MTNR1B: variants seen among roughly 807,000 people sequenced by gnomAD.
MTNR1B encodes melatonin receptor 1B, also known as melatonin receptor type 1B.
In MTNR1B, 7 loss-of-function variants were observed where a neutral mutation model predicts 7.0. The ratio of observed to expected loss-of-function variants is 1.00; its 90% CI spans 0.57 to 1.88. The LOEUF (loss-of-function observed/expected upper bound fraction) is 1.88, where lower values mean the gene tolerates loss of function less well. Among genes scored for constraint, MTNR1B ranks in the 40% most tolerant of loss-of-function variants. The probability of loss-of-function intolerance (pLI) is 0.00; values close to 1 mark genes in which losing one functional copy is unlikely to be tolerated. For missense variants in MTNR1B, 478 were observed against 486.5 expected, an observed-to-expected ratio of 0.98 and a Z score of 0.16; for synonymous variants, 226 against 208.2, an observed-to-expected ratio of 1.09 and a Z score of -0.74.
chr11:92,970,963 A>AT (rs900471273), intron 1 of MTNR1B, among the ~76,000 whole-genome samples: 37 of 147,984 alleles, frequency 2.5e-4, no homozygotes, highest in South Asian at 4.3e-4. Context: ...GACTCTAGAA[A>AT]TTTTTTTTTT....
intron 1 of MTNR1B, chr11:92,972,313 G>T: frequency 2.3e-6 from 1 of 428,478 alleles, no homozygotes; most frequent in South Asian, 1.7e-5. Context: ...CCATATTGAG[G>T]TCACAGCATG....
In MTNR1B at chr11:92,981,816, C is replaced by G; in HGVS notation, c.593C>G (p.Thr198Ser). ...YSCTFIQTAS[T>S]QYTAAVVVIH... ...TGCACCTTCATCCAGACCGCCAGCA[C>G]CCAGTACACGGCGGCAGTGGTGGTC... Residue 198 changes from threonine (T) to serine (S), a missense_variant, in exon 2 of 2, where the codon ACC (threonine) becomes AGC (serine). By Grantham distance (58) the Thr-to-Ser change is moderately conservative (BLOSUM62 1). Transcript: ENST00000257068. The G allele has an allele frequency of 1.2e-6, 2 of 1,614,216 alleles. No individual in the cohort carries two copies. Among genetic ancestry groups the G allele is most frequent in the Non-Finnish European group, 1.7e-6 (2 of 1,180,050 alleles).
At chr11:92,980,394 A>C (rs2136516604) in intron 1 of MTNR1B, among the ~76,000 whole-genome samples, 1 of 152,292 alleles carries the variant, frequency 6.6e-6, no homozygotes, top group Admixed American at 6.5e-5. Context: ...TAGTGATGGA[A>C]CTGCTCACAC....
intron 1 of MTNR1B, among the ~76,000 whole-genome samples, chr11:92,976,634 T>G (rs1858012640): frequency 6.6e-6 from 1 of 152,192 alleles, no homozygotes. Flanking sequence ...AGGGCAAAAC[T>G]GGATCCCCAA....
At chr11:92,971,375 T>A (rs1857920266) in intron 1 of MTNR1B, among the ~76,000 whole-genome samples, 1 of 152,208 alleles carries the variant, frequency 6.6e-6, no homozygotes, top group Non-Finnish European at 1.5e-5. Context: ...CTAACTCACT[T>A]CAGTAGTGGT....
At chr11:92,980,510 A>G (rs7127128) in intron 1 of MTNR1B, among the ~76,000 whole-genome samples, 13,198 of 152,228 alleles carry the variant, frequency 0.087, 1,228 homozygotes, top group African/African-American at 0.23. Flanking sequence ...GTGTTCTTTT[A>G]GAGTAAGCCC....
At chr11:92,976,583 T>C (rs1007478078) in intron 1 of MTNR1B, among the ~76,000 whole-genome samples, 46 of 152,214 alleles carry the variant, frequency 3.0e-4, no homozygotes, top group Non-Finnish European at 6.5e-4. Context: ...CGCCACTCTC[T>C]ATCTCCTTCT....
chr11:92,984,883 C>T (rs1388482089), downstream of MTNR1B: 5 of 455,980 alleles, frequency 1.1e-5, no homozygotes, highest in African/African-American at 6.0e-5. Context: ...AAGCAATGTA[C>T]ATATTTGGAA....
intron 1 of MTNR1B, among the ~76,000 whole-genome samples, chr11:92,975,761 T>A (rs1346289008): frequency 1.3e-5 from 2 of 152,194 alleles, no homozygotes; most frequent in East Asian, 3.9e-4. Context: ...AAATGCTTAA[T>A]AGGCCCACAG....
intron 1 of MTNR1B, among the ~76,000 whole-genome samples, chr11:92,978,992 A>G (rs2136515237): frequency 6.6e-6 from 1 of 152,300 alleles, no homozygotes; most frequent in African/African-American, 2.4e-5. Flanking sequence ...GGTCCTATGG[A>G]GACTCATCTT....
chr11:92,982,811 C>T (rs1469994617), downstream of MTNR1B: 1 of 186,230 alleles, frequency 5.4e-6, no homozygotes, highest in Non-Finnish European at 1.1e-5. Flanking sequence ...CATTGACCTT[C>T]CCTACACACA....
At chr11:92,972,578 A>G in intron 1 of MTNR1B, 1 of 455,354 alleles carries the variant, frequency 2.2e-6, no homozygotes, top group Middle Eastern at 3.8e-4. Flanking sequence ...CAGGGCACCG[A>G]CCCAACTTAA....
chr11:92,978,873 A>G (rs1001383410), intron 1 of MTNR1B, among the ~76,000 whole-genome samples: 1 of 152,184 alleles, frequency 6.6e-6, no homozygotes, highest in African/African-American at 2.4e-5. Flanking sequence ...CTCTGCCTTC[A>G]CAGGGAAACA....
chr11:92,970,998 C>T (rs1203269132), intron 1 of MTNR1B, among the ~76,000 whole-genome samples: 2 of 151,724 alleles, frequency 1.3e-5, no homozygotes, highest in African/African-American at 4.8e-5. Flanking sequence ...CTCACTCTGT[C>T]ACCCAGGCTG....
chr11:92,978,058 T>G (rs1858038826), intron 1 of MTNR1B, among the ~76,000 whole-genome samples: 1 of 152,220 alleles, frequency 6.6e-6, no homozygotes, highest in African/African-American at 2.4e-5. Flanking sequence ...ACTTGATGAT[T>G]CTCTCTTTCT....
At chr11:92,983,105 G>A (rs61901525), downstream of MTNR1B, among the ~76,000 whole-genome samples, 243 of 152,146 alleles carry the variant, frequency 1.6e-3, no homozygotes, top group Middle Eastern at 3.4e-3. Context: ...AGATCATGCC[G>A]TAGTCAGCCT....
chr11:92,982,714 A>G lies in MTNR1B; in HGVS notation c.*402A>G. 4.5e-6 allele frequency: 1 copy of G among 221,782 alleles called. No homozygotes were observed. The highest frequency in any genetic ancestry group is 8.9e-6 in the Non-Finnish European group (1 of 112,282). The allele number at this position is 221,782 out of a possible 1,614,324, so 13.7% of individuals were successfully genotyped here. A position where few individuals can be genotyped will look rare whatever the true frequency, so the allele number is the denominator to read the frequency against. On this transcript the variant is annotated 3_prime_UTR_variant, in exon 2 of 2. Transcript: ENST00000257068. Reference sequence around the variant, plus strand: ...GGATCTCTTCCTGTTAGCAAGGATGAAAGAGAGAGGTCAGTAGGACTGGAA... The same window carrying G: ...GGATCTCTTCCTGTTAGCAAGGATGGAAGAGAGAGGTCAGTAGGACTGGAA...
At chr11:92,974,650 G>T (rs907234698) in intron 1 of MTNR1B, among the ~76,000 whole-genome samples, 7 of 151,556 alleles carry the variant, frequency 4.6e-5, no homozygotes, top group Admixed American at 4.6e-4. Flanking sequence ...CGCCCAGGCT[G>T]GAGTGCAGTA....
At chr11:92,984,805 AG>A (rs1234823704), downstream of MTNR1B, 2 of 440,332 alleles carry the variant, frequency 4.5e-6, no homozygotes, top group Admixed American at 5.2e-5. Context: ...TTGGATCCAT[AG>A]GTTTTTGGTG....
Sources: gnomAD v4.1 joint callset for allele counts (sites outside exome capture counted in the v4.1 genomes callset) on GRCh38, gnomAD v4.1.1 for gene constraint, MANE v1.5 for transcripts, NCBI Gene and HGNC (gene_info 2026-07-23, HGNC 2026-07-21) for gene names.